Variants in HTR2C observed in about 807,000 individuals in gnomAD.
The protein encoded by HTR2C is 5-hydroxytryptamine (serotonin) receptor 2C, G protein-coupled.
Under a neutral mutation model 21.0 loss-of-function variants are expected in HTR2C, and 5 were observed. The ratio of observed to expected loss-of-function variants is 0.24; its 90% confidence interval spans 0.12 to 0.50. The LOEUF is 0.50. Ranked by LOEUF, HTR2C falls within the 20% of genes least tolerant of loss-of-function variation. The probability of loss-of-function intolerance (pLI) is 0.98; values close to 1 mark genes in which losing one functional copy is unlikely to be tolerated. For synonymous variants in HTR2C, 150 were observed against 145.3 expected (o/e 1.03, Z -0.23); for missense variants, 271 against 371.2 (o/e 0.73, Z 2.22).
intron 4 of HTR2C, among the ~76,000 whole-genome samples, chrX:114,760,211 T>TTTA (rs1157225828): frequency 9.0e-6 from 1 of 111,384 alleles, no homozygotes; most frequent in African/African-American, 3.3e-5. Flanking sequence ...TAAACTACAA[T>TTTA]TTATTATTAT....
At chrX:114,756,434 C>T (rs1193302853) in intron 4 of HTR2C, among the ~76,000 whole-genome samples, 1 of 111,800 alleles carries the variant, frequency 8.9e-6, no homozygotes, top group Admixed American at 9.5e-5. Flanking sequence ...TAGCCCCAAA[C>T]TGGAAACAAC....
At chrX:114,611,989 G>C (rs1375025083) in intron 1 of HTR2C, among the ~76,000 whole-genome samples, 2 of 112,109 alleles carry the variant, frequency 1.8e-5, no homozygotes, top group Non-Finnish European at 3.8e-5. Context: ...GAGCCACCGT[G>C]CCTGGCCCAA....
At chrX:114,659,396 C>T (rs995147393) in intron 2 of HTR2C, among the ~76,000 whole-genome samples, 3 of 111,446 alleles carry the variant, frequency 2.7e-5, no homozygotes, top group African/African-American at 9.8e-5. Context: ...TATGCTCATC[C>T]CATCTCCTCA....
chrX:114,645,269 A>C (rs1930319819), intron 2 of HTR2C, among the ~76,000 whole-genome samples: 1 of 111,279 alleles, frequency 9.0e-6, no homozygotes, highest in South Asian at 3.8e-4. Context: ...GGAATGTAAA[A>C]TATAGAAGAA....
chrX:114,678,689 A>G (rs6579496), intron 2 of HTR2C, among the ~76,000 whole-genome samples: 2,058 of 111,754 alleles, frequency 0.018, 56 homozygotes, highest in African/African-American at 0.064. Context: ...TTTGTAAAGT[A>G]TCATAGATTT....
chrX:114,806,927 T>TACAC (rs1158783163), intron 4 of HTR2C, among the ~76,000 whole-genome samples: 2 of 93,023 alleles, frequency 2.2e-5, no homozygotes, highest in African/African-American at 3.8e-5. Context: ...ATACCATATA[T>TACAC]ATACCATATG....
At chrX:114,736,123 A>G (rs1027097896) in intron 4 of HTR2C, among the ~76,000 whole-genome samples, 1 of 110,872 alleles carries the variant, frequency 9.0e-6, no homozygotes, top group African/African-American at 3.3e-5. Flanking sequence ...AAAAAAAAAA[A>G]AGAGAAAAGA....
intron 4 of HTR2C, among the ~76,000 whole-genome samples, chrX:114,805,852 T>C (rs1456940817): frequency 2.2e-5 from 2 of 92,523 alleles, no homozygotes; most frequent in Non-Finnish European, 4.1e-5. Flanking sequence ...ACCATATATA[T>C]ACCATATATA....
At chrX:114,793,369 C>A (rs1199309806) in intron 4 of HTR2C, among the ~76,000 whole-genome samples, 2 of 111,568 alleles carry the variant, frequency 1.8e-5, no homozygotes, top group Non-Finnish European at 3.8e-5. Context: ...TGACGTGTTA[C>A]TGATCTAATC....
At chrX:114,756,922 A>T (rs1160484217) in intron 4 of HTR2C, among the ~76,000 whole-genome samples, 1 of 111,815 alleles carries the variant, frequency 8.9e-6, no homozygotes, top group Non-Finnish European at 1.9e-5. Context: ...AATTTTAATT[A>T]AAAAATGTAT....
chrX:114,739,407 A>T (rs2069622848), intron 4 of HTR2C, among the ~76,000 whole-genome samples: 1 of 112,106 alleles, frequency 8.9e-6, no homozygotes, highest in Admixed American at 9.5e-5. Flanking sequence ...CTATTAAAAA[A>T]TAAGATATTC....
At position 114,661,447 on chromosome X, in the gene HTR2C, G is replaced by A. The variant is rs782484312; in HGVS notation, c.-80+47566G>A. On this transcript the variant is annotated intron_variant, in intron 2 of 5. Coordinates refer to ENST00000276198, the MANE Select transcript of HTR2C (RefSeq NM_000868.4). ...ATATCCAATAAACCATTCCAAAAAG[G>A]AACACGTTTTAAGGGAAATGATTGT... is the stretch of plus-strand genomic sequence containing the variant. 5.4e-5 allele frequency among the ~76,000 whole-genome samples: 6 copies of A among 110,101 alleles called. No homozygotes were observed. The South Asian group carries it at 2.3e-3, about 42-fold the overall frequency.
At chrX:114,591,500 T>A (rs1172054332) in intron 1 of HTR2C, among the ~76,000 whole-genome samples, 1 of 111,783 alleles carries the variant, frequency 8.9e-6, no homozygotes, top group African/African-American at 3.2e-5. Flanking sequence ...ATTATTTAAG[T>A]TAGCAAGGGC....
intron 4 of HTR2C, among the ~76,000 whole-genome samples, chrX:114,812,849 G>A (rs2070548451): frequency 9.0e-6 from 1 of 111,518 alleles, no homozygotes. Flanking sequence ...TTTCCTCTGA[G>A]TAATACCAGT....
intron 2 of HTR2C, chrX:114,715,358 A>T (rs1271500853): frequency 1.3e-5 from 5 of 379,146 alleles, no homozygotes; most frequent in African/African-American, 1.3e-4. Context: ...GGAACCCTCC[A>T]CAACCAGAAG....
At chrX:114,636,806 A>C (rs1021725339) in intron 2 of HTR2C, among the ~76,000 whole-genome samples, 17 of 112,457 alleles carry the variant, frequency 1.5e-4, no homozygotes, top group African/African-American at 5.5e-4. Context: ...AAGTTGAATG[A>C]AAACTAAAAG....
intron 2 of HTR2C, among the ~76,000 whole-genome samples, chrX:114,655,320 C>A (rs1440710784): frequency 9.0e-6 from 1 of 111,295 alleles, no homozygotes; most frequent in African/African-American, 3.3e-5. Flanking sequence ...GGCACTATTT[C>A]TGTTTTAAAT....
chrX:114,680,079 G>C (rs189009701), intron 2 of HTR2C, among the ~76,000 whole-genome samples: 1 of 112,179 alleles, frequency 8.9e-6, no homozygotes, highest in Admixed American at 9.5e-5. Flanking sequence ...AACAGAATTA[G>C]ATGACCAAAA....
chrX:114,689,505 C>G (rs1309221878), intron 2 of HTR2C, among the ~76,000 whole-genome samples: 1 of 110,048 alleles, frequency 9.1e-6, no homozygotes, highest in Admixed American at 9.8e-5. Context: ...TTCACCACAT[C>G]CACACCAACA....
Sources: gnomAD v4.1 joint callset for allele counts (sites outside exome capture counted in the v4.1 genomes callset) on GRCh38, gnomAD v4.1.1 for gene constraint, MANE v1.5 for transcripts, NCBI Gene and HGNC (gene_info 2026-07-23, HGNC 2026-07-21) for gene names.